GRM5: variants seen among roughly 807,000 people sequenced by gnomAD.
GRM5 encodes the protein metabotropic glutamate receptor 5.
Under a neutral mutation model 83.1 loss-of-function variants are expected in GRM5, and 19 were observed. That is an observed-to-expected ratio of 0.23 (90% CI 0.16 to 0.34). The LOEUF (loss-of-function observed/expected upper bound fraction) is 0.34. Ranked by LOEUF, GRM5 falls within the 10% of genes least tolerant of loss-of-function variation. The probability of loss-of-function intolerance (pLI) is 1.00; values close to 1 mark genes in which losing one functional copy is unlikely to be tolerated. For synonymous variants in GRM5, 675 were observed against 633.6 expected (o/e 1.07, Z -0.98); for missense variants, 1,160 against 1,588.3 (o/e 0.73, Z 4.58).
At chr11:88,966,630 G>A (rs5001753) in intron 2 of GRM5, among the ~76,000 whole-genome samples, 27 of 152,122 alleles carry the variant, frequency 1.8e-4, no homozygotes, top group African/African-American at 3.6e-4. Context: ...CTACTGTTGC[G>A]TTTTGGGTAT....
intron 2 of GRM5, among the ~76,000 whole-genome samples, chr11:89,017,281 T>G (rs1281161741): frequency 6.6e-6 from 1 of 152,206 alleles, no homozygotes; most frequent in Admixed American, 6.6e-5. Context: ...GAATAGAAGA[T>G]AAGTAGACTC....
intron 3 of GRM5, among the ~76,000 whole-genome samples, chr11:88,774,263 G>A (rs1942801443): frequency 6.6e-6 from 1 of 151,770 alleles, no homozygotes; most frequent in Admixed American, 6.6e-5. Context: ...TGTCTTCATG[G>A]TGTAGGGGAA....
At chr11:88,696,155 C>T (rs956505269) in intron 3 of GRM5, among the ~76,000 whole-genome samples, 6 of 152,058 alleles carry the variant, frequency 3.9e-5, no homozygotes, top group Non-Finnish European at 7.4e-5. Flanking sequence ...GGTACTCTTC[C>T]CCTGGAGTCC....
chr11:88,835,699 T>G (rs1944081676), intron 3 of GRM5, among the ~76,000 whole-genome samples: 1 of 152,220 alleles, frequency 6.6e-6, no homozygotes. Flanking sequence ...TTAATCCATG[T>G]TATTGATACA....
chr11:89,023,678 T>G (rs1941047937), intron 2 of GRM5, among the ~76,000 whole-genome samples: 1 of 151,318 alleles, frequency 6.6e-6, no homozygotes, highest in East Asian at 2.0e-4. Flanking sequence ...ACCCCGTCTC[T>G]ACTAAAAATA....
At chr11:88,966,455 C>G (rs867362836) in intron 2 of GRM5, among the ~76,000 whole-genome samples, 2 of 151,830 alleles carry the variant, frequency 1.3e-5, no homozygotes, top group African/African-American at 2.4e-5. Context: ...ATACTGGCAA[C>G]CAAAAATGAG....
intron 3 of GRM5, among the ~76,000 whole-genome samples, chr11:88,814,506 T>C (rs1028706816): frequency 2.6e-5 from 4 of 151,542 alleles, no homozygotes; most frequent in South Asian, 4.1e-4. Flanking sequence ...AAGTAGGAAG[T>C]CTTATAATTC....
chr11:88,938,281 C>T (rs2135661102), intron 2 of GRM5, among the ~76,000 whole-genome samples: 1 of 151,704 alleles, frequency 6.6e-6, no homozygotes, highest in East Asian at 1.9e-4. Context: ...TTTTACTCCT[C>T]TTAGGAAGAG....
At position 88,584,735 on chromosome 11, in the gene GRM5, C is replaced by T. The variant is rs562719765; in HGVS notation, c.1690+5866G>A. 1.3e-4 allele frequency among the ~76,000 whole-genome samples: 20 copies of T among 152,316 alleles called. 1 individual carries two copies. The highest frequency in any genetic ancestry group is 4.8e-4 in the African/African-American group (20 of 41,564). On this transcript the variant is annotated intron_variant, in intron 7 of 9. Coordinates refer to ENST00000305447, the MANE Select transcript of GRM5 (RefSeq NM_001143831.3). ...TTGAGATTACAGGCATGAGCCACTG[C>T]ACCTGGCACATTTTCTTTCATATTC...
chr11:88,908,804 A>G (rs1389872641), intron 2 of GRM5, among the ~76,000 whole-genome samples: 4 of 152,198 alleles, frequency 2.6e-5, no homozygotes, highest in Non-Finnish European at 2.9e-5. Flanking sequence ...AGCAGATATT[A>G]AACTGTTTGT....
chr11:88,881,355 C>T (rs1944950874), intron 2 of GRM5, among the ~76,000 whole-genome samples: 1 of 150,482 alleles, frequency 6.6e-6, no homozygotes, highest in Admixed American at 6.6e-5. Context: ...TTGATTTCTT[C>T]AACTATGATG....
chr11:88,515,327 C>T (rs1453906575), intron 9 of GRM5, among the ~76,000 whole-genome samples: 1 of 152,156 alleles, frequency 6.6e-6, no homozygotes. Flanking sequence ...ACTACTCTAA[C>T]TGGTATTAGT....
chr11:88,576,859 G>A (rs1035447137), intron 7 of GRM5, among the ~76,000 whole-genome samples: 1 of 152,084 alleles, frequency 6.6e-6, no homozygotes, highest in Admixed American at 6.6e-5. Flanking sequence ...CTATAATTTG[G>A]ATTTTACGAT....
At chr11:88,888,562 G>T (rs946975367) in intron 2 of GRM5, among the ~76,000 whole-genome samples, 2 of 152,048 alleles carry the variant, frequency 1.3e-5, no homozygotes, top group African/African-American at 2.4e-5. Flanking sequence ...AAAATGCTTG[G>T]CTTACAGTTG....
chr11:88,849,433 C>T (rs531233709), intron 3 of GRM5, among the ~76,000 whole-genome samples: 1 of 152,066 alleles, frequency 6.6e-6, no homozygotes, highest in African/African-American at 2.4e-5. Flanking sequence ...CAGGCACCTA[C>T]ATTTTTGTGA....
chr11:88,863,384 G>A (rs1479763519), intron 2 of GRM5, among the ~76,000 whole-genome samples: 2 of 119,782 alleles, frequency 1.7e-5, no homozygotes, highest in Non-Finnish European at 3.6e-5. Flanking sequence ...TGATAGACCA[G>A]ATTTAAAAAA....
At chr11:88,818,317 CA>C (rs1325318874) in intron 3 of GRM5, among the ~76,000 whole-genome samples, 4 of 152,028 alleles carry the variant, frequency 2.6e-5, no homozygotes, top group African/African-American at 9.7e-5. Flanking sequence ...GAAAAATAAT[CA>C]GCCTGTGACA....
At chr11:88,701,896 C>A (rs1189421597) in intron 3 of GRM5, among the ~76,000 whole-genome samples, 1 of 151,984 alleles carries the variant, frequency 6.6e-6, no homozygotes, top group Non-Finnish European at 1.5e-5. Flanking sequence ...TCTTGTCTGG[C>A]ATACTTAGGT....
At chr11:88,687,847 G>C (rs1231220333) in intron 3 of GRM5, among the ~76,000 whole-genome samples, 3 of 151,320 alleles carry the variant, frequency 2.0e-5, no homozygotes, top group Non-Finnish European at 4.4e-5. Flanking sequence ...AGACTCTTCA[G>C]ACATTTTAAT....
Sources: allele counts gnomAD v4.1 joint callset (sites outside exome capture counted in the v4.1 genomes callset), GRCh38; gene constraint gnomAD v4.1.1; transcripts MANE v1.5; gene names NCBI Gene and HGNC (gene_info 2026-07-23, HGNC 2026-07-21).